Variants in ASIP observed in about 807,000 individuals in gnomAD.
ASIP encodes agouti signaling protein.
Under a neutral mutation model 10.3 loss-of-function variants are expected in ASIP, and 11 were observed. The observed-to-expected ratio is 1.07, with a 90% CI of 0.68 to 1.78. The LOEUF is 1.78. Ranked by LOEUF, ASIP falls within the 40% of genes most tolerant of loss-of-function variation. ASIP has a pLI of 0.00. For synonymous variants in ASIP, 70 were observed against 70.8 expected (o/e 0.99, Z 0.06); for missense variants, 180 against 169.2 (o/e 1.06, Z -0.35).
At chr20:34,207,767 CATTTATTTATTTATTTATTT>C (rs147074537) in intron 1 of ASIP, among the ~76,000 whole-genome samples, 3 of 149,316 alleles carry the variant, frequency 2.0e-5, no homozygotes, top group African/African-American at 7.4e-5. Flanking sequence ...TTTCCAGCAC[CATTTATTTATTTATTTATTT>C]ATTTATTTAT....
chr20:34,225,430 A>AT (rs1185941501), intron 1 of ASIP, among the ~76,000 whole-genome samples: 7 of 151,264 alleles, frequency 4.6e-5, no homozygotes, highest in Non-Finnish European at 8.8e-5. Context: ...TTCTAGTACC[A>AT]TACATTAAAA....
At chr20:34,250,317 T>C (rs147396659) in intron 1 of ASIP, among the ~76,000 whole-genome samples, 194 of 152,352 alleles carry the variant, frequency 1.3e-3, no homozygotes, top group Non-Finnish European at 2.2e-3. Flanking sequence ...CTGTTCACTG[T>C]CTTCAAGAAG....
At chr20:34,215,363 C>T in intron 1 of ASIP, 1 of 1,573,040 alleles carries the variant, frequency 6.4e-7, no homozygotes, top group Non-Finnish European at 8.7e-7. Context: ...ATGCACTGTT[C>T]CCTCATGGTA....
intron 1 of ASIP, among the ~76,000 whole-genome samples, chr20:34,218,115 C>T (rs2035021950): frequency 6.6e-6 from 1 of 152,184 alleles, no homozygotes; most frequent in African/African-American, 2.4e-5. Flanking sequence ...AACTAGTCAG[C>T]CTTTGCCAGA....
chr20:34,247,931 C>T (rs983259489), intron 1 of ASIP, among the ~76,000 whole-genome samples: 3 of 152,086 alleles, frequency 2.0e-5, no homozygotes, highest in African/African-American at 4.8e-5. Flanking sequence ...GAAGGCCGGG[C>T]GCAGTGGCAC....
At chr20:34,203,948 A>G (rs1449721282) in intron 1 of ASIP, among the ~76,000 whole-genome samples, 1 of 151,988 alleles carries the variant, frequency 6.6e-6, no homozygotes, top group Non-Finnish European at 1.5e-5. Flanking sequence ...CTGGTCTCGA[A>G]CTCCTGACCT....
At position 34,269,265 on chromosome 20, in the gene ASIP, G is replaced by A. The variant is rs2035846706; in HGVS notation, c.*98G>A. ...ACAGGGCGGCTTCCCAGGGCTGCAG[G>A]CGGGCGGAGGTTCCAGGAGATGGGA... On this transcript the variant is annotated 3_prime_UTR_variant, in exon 4 of 4. Coordinates refer to ENST00000374954, the MANE Select transcript of ASIP (RefSeq NM_001672.3). 5.1e-6 allele frequency: 7 copies of A among 1,383,802 alleles called. No individual in the cohort carries two copies. Among genetic ancestry groups the A allele is most frequent in the Non-Finnish European group, 6.6e-6 (7 of 1,062,538 alleles). The allele number at this position is 1,383,802 out of a possible 1,614,324, so 85.7% of individuals were successfully genotyped here. A position where few individuals can be genotyped will look rare whatever the true frequency, so the allele number is the denominator to read the frequency against.
intron 1 of ASIP, among the ~76,000 whole-genome samples, chr20:34,242,964 A>G (rs891108824): frequency 1.3e-5 from 2 of 152,260 alleles, no homozygotes; most frequent in Non-Finnish European, 2.9e-5. Context: ...TATAGTACCC[A>G]CTAAGGTCTT....
intron 1 of ASIP, among the ~76,000 whole-genome samples, chr20:34,198,918 C>T (rs1601568171): frequency 6.6e-6 from 1 of 152,036 alleles, no homozygotes; most frequent in East Asian, 1.9e-4. Context: ...ACCCAGAAGC[C>T]TCCTCATTCC....
intron 1 of ASIP, among the ~76,000 whole-genome samples, chr20:34,244,105 T>A (rs1263747727): frequency 6.6e-6 from 1 of 152,152 alleles, no homozygotes; most frequent in South Asian, 2.1e-4. Flanking sequence ...TTCAAGATCG[T>A]AATTTGCATG....
chr20:34,235,832 A>AAGGAAG (rs2035179901), intron 1 of ASIP, among the ~76,000 whole-genome samples: 1 of 67,444 alleles, frequency 1.5e-5, no homozygotes, highest in African/African-American at 1.5e-4. Flanking sequence ...AAAGAAAGAA[A>AAGGAAG]GAAAGAAAGA....
At chr20:34,226,199 C>T (rs1428457018) in intron 1 of ASIP, among the ~76,000 whole-genome samples, 3 of 152,074 alleles carry the variant, frequency 2.0e-5, no homozygotes, top group Non-Finnish European at 2.9e-5. Context: ...GCTCAGCTGA[C>T]GTGTACCTAC....
At chr20:34,194,448 A>G (rs1334123034), upstream of ASIP, 2 of 151,984 alleles carry the variant, frequency 1.3e-5, no homozygotes, top group Admixed American at 6.6e-5. Context: ...GTGATTATTT[A>G]TAGCTCCTTT....
At chr20:34,201,024 CTTTCT>C (rs1568744500) in intron 1 of ASIP, among the ~76,000 whole-genome samples, 214 of 82,540 alleles carry the variant, frequency 2.6e-3, no homozygotes, top group Admixed American at 2.9e-3. Flanking sequence ...TTCCTTCTTT[CTTTCT>C]TTCTTTCTTT....
intron 1 of ASIP, among the ~76,000 whole-genome samples, chr20:34,248,191 C>A (rs1445833374): frequency 2.0e-5 from 3 of 151,020 alleles, no homozygotes; most frequent in African/African-American, 7.3e-5. Flanking sequence ...GGTGACAGAG[C>A]AAGACTCCAT....
intron 3 of ASIP, among the ~76,000 whole-genome samples, chr20:34,265,237 T>G (rs1170249351): frequency 6.6e-6 from 1 of 152,130 alleles, no homozygotes. Flanking sequence ...AAAAATAATA[T>G]GAGGGCCAGG....
chr20:34,211,650 C>T (rs544004482), intron 1 of ASIP, among the ~76,000 whole-genome samples: 24 of 152,194 alleles, frequency 1.6e-4, no homozygotes, highest in Admixed American at 3.9e-4. Flanking sequence ...CCTTCATTTA[C>T]GAAAAAATGT....
At chr20:34,221,850 C>G (rs1016108240) in intron 1 of ASIP, among the ~76,000 whole-genome samples, 4 of 152,186 alleles carry the variant, frequency 2.6e-5, no homozygotes, top group African/African-American at 9.7e-5. Flanking sequence ...TGGCTCACAC[C>G]TGTAATCCCA....
chr20:34,189,311 C>T, the ASIP span, among the ~76,000 whole-genome samples: 6 of 151,976 alleles, frequency 3.9e-5, no homozygotes, highest in South Asian at 2.1e-4. Flanking sequence ...GGCGTGATCT[C>T]GGCTCACCGC....
Sources: allele counts gnomAD v4.1 joint callset (sites outside exome capture counted in the v4.1 genomes callset), GRCh38; gene constraint gnomAD v4.1.1; transcripts MANE v1.5; gene names NCBI Gene and HGNC (gene_info 2026-07-23, HGNC 2026-07-21).